RARB: variants seen among roughly 807,000 people sequenced by gnomAD.
RARB encodes the protein HBV-activated protein.
A neutral mutation model predicts 51.9 loss-of-function variants in RARB; 17 were observed. The observed-to-expected ratio is 0.33, with a 90% confidence interval of 0.22 to 0.49. The LOEUF (loss-of-function observed/expected upper bound fraction) is 0.49, where lower values mean the gene tolerates loss of function less well. Among genes scored for constraint, RARB ranks in the 20% least tolerant of loss-of-function variants. RARB has a pLI of 0.99. For missense variants in RARB, 369 were observed against 550.8 expected, an observed-to-expected ratio of 0.67 and a Z score of 3.30; for synonymous variants, 215 against 195.4, an observed-to-expected ratio of 1.10 and a Z score of -0.84.
intron 2 of RARB, among the ~76,000 whole-genome samples, chr3:25,059,637 C>T (rs1381917535): frequency 6.6e-6 from 1 of 151,644 alleles, no homozygotes; most frequent in Non-Finnish European, 1.5e-5. Flanking sequence ...ATGGGAGCTT[C>T]TAGGATATGA....
chr3:25,104,702 A>G (rs1367769013), intron 3 of RARB, among the ~76,000 whole-genome samples: 2 of 152,182 alleles, frequency 1.3e-5, no homozygotes, highest in African/African-American at 2.4e-5. Flanking sequence ...AAACTGGAAA[A>G]TATCCAAAGG....
At chr3:24,976,521 CGAT>C (rs1158074430) in intron 2 of RARB, among the ~76,000 whole-genome samples, 1 of 152,096 alleles carries the variant, frequency 6.6e-6, no homozygotes, top group African/African-American at 2.4e-5. Flanking sequence ...TGATGACCAG[CGAT>C]GATGAGCATT....
intron 2 of RARB, among the ~76,000 whole-genome samples, chr3:25,036,940 T>C (rs1698007883): frequency 6.6e-6 from 1 of 152,136 alleles, no homozygotes; most frequent in African/African-American, 2.4e-5. Flanking sequence ...GCATGAGAGG[T>C]GTCAGGTGTG....
At chr3:25,227,909 C>A (rs1280566931) in intron 5 of RARB, among the ~76,000 whole-genome samples, 1 of 152,010 alleles carries the variant, frequency 6.6e-6, no homozygotes, top group African/African-American at 2.4e-5. Context: ...AGTGACTGAA[C>A]CCGTGTCTGG....
chr3:24,866,086 A>G (rs1308527680), intron 2 of RARB, among the ~76,000 whole-genome samples: 1 of 152,082 alleles, frequency 6.6e-6, no homozygotes. Flanking sequence ...TTAGCTGCGG[A>G]CACCAATCTG....
chr3:25,189,868 G>GA (rs1183281329), intron 5 of RARB, among the ~76,000 whole-genome samples: 1 of 152,108 alleles, frequency 6.6e-6, no homozygotes, highest in Non-Finnish European at 1.5e-5. Flanking sequence ...CTGGATGGCA[G>GA]AATGACATTC....
At position 25,580,564 on chromosome 3, in the gene RARB, C is replaced by T; in HGVS notation, c.628C>T (p.Arg210Ter). ...CTCCTAGAATTCCAGTGCTGACCAT[C>T]GAGTCCGACTGGACCTGGGCCTCTG... The part of the protein sequence containing the change: ...KYTTNSSADH[R>*]VRLDLGLWDK... Residue 210 changes from arginine (R) to a stop codon, truncating the protein, a stop_gained, in exon 5 of 8, where the codon CGA (arginine) becomes TGA (stop). Coordinates refer to ENST00000330688, the MANE Select transcript of RARB (RefSeq NM_000965.5). LOFTEE classifies it high-confidence loss of function. 3 of 1,596,726 alleles carry T rather than the reference C, an allele frequency of 1.9e-6. No homozygotes were observed. The highest frequency in any genetic ancestry group is 1.3e-5 in the African/African-American group (1 of 74,844).
At chr3:24,845,272 A>T (rs1215000344) in intron 1 of RARB, among the ~76,000 whole-genome samples, 1 of 152,210 alleles carries the variant, frequency 6.6e-6, no homozygotes, top group African/African-American at 2.4e-5. Flanking sequence ...ATAAATACCC[A>T]ATTTCAGTGG....
chr3:25,446,719 C>T (rs1000230536), intron 1 of RARB, among the ~76,000 whole-genome samples: 7 of 138,872 alleles, frequency 5.0e-5, no homozygotes, highest in African/African-American at 1.9e-4. Context: ...AGGAGAATAG[C>T]GTGAACCCGG....
At chr3:24,886,247 GGC>G (rs886400473) in intron 2 of RARB, among the ~76,000 whole-genome samples, 3 of 152,044 alleles carry the variant, frequency 2.0e-5, no homozygotes, top group African/African-American at 7.2e-5. Context: ...GGATATGTCT[GGC>G]CTCTCTAAAT....
intron 5 of RARB, among the ~76,000 whole-genome samples, chr3:25,187,832 A>C (rs1701012581): frequency 6.6e-6 from 1 of 152,048 alleles, no homozygotes; most frequent in African/African-American, 2.4e-5. Context: ...ATGACTTTAC[A>C]TTTTGTTACG....
chr3:25,386,727 G>A (rs187300929), intron 5 of RARB, among the ~76,000 whole-genome samples: 12 of 152,282 alleles, frequency 7.9e-5, no homozygotes, highest in East Asian at 1.9e-4. Context: ...GCTTTGATAA[G>A]GGGGCGATTG....
At chr3:24,901,638 TTA>T (rs1182123400) in intron 2 of RARB, among the ~76,000 whole-genome samples, 1 of 152,196 alleles carries the variant, frequency 6.6e-6, no homozygotes, top group Non-Finnish European at 1.5e-5. Context: ...TGCTCAGATT[TTA>T]TGAGAGTGAA....
At chr3:24,974,795 C>A (rs1194796514) in intron 2 of RARB, among the ~76,000 whole-genome samples, 6 of 152,182 alleles carry the variant, frequency 3.9e-5, no homozygotes, top group Admixed American at 2.6e-4. Context: ...GGAACACTCT[C>A]AACCGTTAAC....
chr3:25,125,692 A>C (rs1337649032), intron 3 of RARB, among the ~76,000 whole-genome samples: 1 of 152,182 alleles, frequency 6.6e-6, no homozygotes, highest in Non-Finnish European at 1.5e-5. Flanking sequence ...TTGTCTTTAA[A>C]ATTGTCAATG....
chr3:25,543,659 G>A lies in RARB; in HGVS notation c.449-26099G>A, dbSNP rs113703292. On this transcript the variant is annotated intron_variant, in intron 3 of 7. Coordinates refer to ENST00000330688, the MANE Select transcript of RARB (RefSeq NM_000965.5). The stretch of plus-strand genomic sequence containing the variant: ...CGCTGACCTAAGTGAGATGGACGAT[G>A]GCAATGTTCCTTGGAGTGATAGATT... Among the ~76,000 whole-genome samples the A allele has an allele frequency of 8.9e-3, 1,357 of 152,260 alleles. 14 individuals are homozygous for A. The highest frequency in any genetic ancestry group is 0.03 in the African/African-American group (1,245 of 41,530).
In RARB at chr3:25,593,353, A is replaced by C. The variant is rs115603493; in HGVS notation, c.787-150A>C. 5,712 of 702,714 alleles carry C rather than the reference A, an allele frequency of 8.1e-3. 39 individuals carry two copies. The highest frequency in any genetic ancestry group is 0.011 in the Non-Finnish European group (4,865 of 429,866). 43.5% of individuals were successfully genotyped at this position (702,714 alleles called of 1,614,324 possible). Reference sequence around the variant, plus strand: ...TTTGACTTCTGTAGTCTCTTAATGAAAGAGCTAAAGAAGACATTCAACATG... The same window carrying C: ...TTTGACTTCTGTAGTCTCTTAATGACAGAGCTAAAGAAGACATTCAACATG... On this transcript the variant is annotated intron_variant, in intron 5 of 7. Transcript: ENST00000330688.
chr3:25,462,346 T>G (rs953053204), intron 2 of RARB: 2 of 152,240 alleles, frequency 1.3e-5, no homozygotes, highest in Non-Finnish European at 2.9e-5. Flanking sequence ...CAAATACAAC[T>G]AACTCATCCA....
Position 25,007,600 on chromosome 3 carries a change from A to AAAAAAAAAAAACAAAAC in RARB, c.-379-52521_-379-52520insAAAAAAACAAAACAAAA, listed in dbSNP as rs1342393781. ...ACAGAGTGAGACTGTCTCAAAAAAA[A>AAAAAAAAAAAACAAAAC]AAAACAAAAAAACCTCATATTTTCT... On this transcript the variant is annotated intron_variant, in intron 2 of 11. Coordinates refer to the RARB transcript ENST00000383772. Among the ~76,000 whole-genome samples, 7 of 143,346 alleles carry AAAAAAAAAAAACAAAAC rather than the reference A, an allele frequency of 4.9e-5. 1 individual carries two copies. The highest frequency in any genetic ancestry group is 1.9e-4 in the African/African-American group (7 of 36,488). The allele number at this position is 143,346 out of a possible 152,430, so 94.0% of individuals were successfully genotyped here. A position where few individuals can be genotyped will look rare whatever the true frequency, so the allele number is the denominator to read the frequency against.
Sources: allele counts gnomAD v4.1 joint callset (sites outside exome capture counted in the v4.1 genomes callset), GRCh38; gene constraint gnomAD v4.1.1; transcripts MANE v1.5; gene names NCBI Gene and HGNC (gene_info 2026-07-23, HGNC 2026-07-21).